Variants in RPGRIP1L observed in about 807,000 individuals in gnomAD.
RPGRIP1L encodes the protein protein fantom.
A neutral mutation model predicts 160.4 loss-of-function variants in RPGRIP1L; 131 were observed. The ratio of observed to expected loss-of-function variants is 0.82; its 90% CI spans 0.71 to 0.94. The LOEUF (loss-of-function observed/expected upper bound fraction) is 0.94, where lower values mean the gene tolerates loss of function less well. RPGRIP1L is among the 40% of genes least tolerant of loss of function. The pLI, the probability that RPGRIP1L is intolerant of heterozygous loss-of-function variation, is 0.00. For synonymous variants in RPGRIP1L, 510 were observed against 515.8 expected (o/e 0.99, Z 0.15); for missense variants, 1,522 against 1,535.8 (o/e 0.99, Z 0.15).
At chr16:53,685,335 C>T (rs148588254) in intron 6 of RPGRIP1L, among the ~76,000 whole-genome samples, 126 of 152,260 alleles carry the variant, frequency 8.3e-4, no homozygotes, top group African/African-American at 2.8e-3. Context: ...TACCATTCGA[C>T]AAGGAAATCC....
At chr16:53,678,398 T>C (rs971770469) in intron 6 of RPGRIP1L, among the ~76,000 whole-genome samples, 2 of 152,184 alleles carry the variant, frequency 1.3e-5, no homozygotes, top group Non-Finnish European at 2.9e-5. Context: ...CTGGGTGCCA[T>C]AATAAATCCA....
At chr16:53,669,006 TC>T (rs1385224142) in intron 9 of RPGRIP1L, among the ~76,000 whole-genome samples, 1 of 152,192 alleles carries the variant, frequency 6.6e-6, no homozygotes. Flanking sequence ...ATCATATTTT[TC>T]TCCTGAAAAC....
At chr16:53,683,420 AGTT>A (rs1448511721) in intron 6 of RPGRIP1L, among the ~76,000 whole-genome samples, 2 of 152,206 alleles carry the variant, frequency 1.3e-5, no homozygotes, top group African/African-American at 4.8e-5. Flanking sequence ...AATATAAACC[AGTT>A]ATTAGACGAT....
chr16:53,683,852 C>T (rs1312120164), intron 6 of RPGRIP1L, among the ~76,000 whole-genome samples: 2 of 151,970 alleles, frequency 1.3e-5, no homozygotes, highest in East Asian at 1.9e-4. Context: ...AATAAAATAT[C>T]GTACATTATA....
At chr16:53,702,383 A>G (rs1036321123) in intron 1 of RPGRIP1L, among the ~76,000 whole-genome samples, 1 of 152,212 alleles carries the variant, frequency 6.6e-6, no homozygotes, top group Non-Finnish European at 1.5e-5. Context: ...AGTGCTTAGG[A>G]GACATAATAA....
chr16:53,662,141 CT>C (rs1967853749), intron 10 of RPGRIP1L, among the ~76,000 whole-genome samples: 2 of 152,212 alleles, frequency 1.3e-5, no homozygotes, highest in African/African-American at 4.8e-5. Flanking sequence ...ACATTTCACT[CT>C]TTTAAAATTA....
intron 10 of RPGRIP1L, among the ~76,000 whole-genome samples, chr16:53,660,347 A>C (rs1294140962): frequency 6.6e-6 from 1 of 152,210 alleles, no homozygotes; most frequent in African/African-American, 2.4e-5. Flanking sequence ...TTCTTAAAAA[A>C]ATGAACACAT....
chr16:53,701,774 C>T (rs762463752), intron 1 of RPGRIP1L: 6 of 151,718 alleles, frequency 4.0e-5, no homozygotes, highest in Non-Finnish European at 8.8e-5. Flanking sequence ...TGAATGGAGT[C>T]CATGGGGTTT....
At position 53,671,565 on chromosome 16, in the gene RPGRIP1L, C is replaced by G. The variant is rs757664687; in HGVS notation, c.1048G>C (p.Asp350His). The G allele has an allele frequency of 2.6e-6, 4 of 1,550,264 alleles. No homozygotes were observed. The highest frequency in any genetic ancestry group is 1.7e-5 in the Admixed American group (1 of 59,656). ...AAAAGTTCCCGTTCCTTTTCTAAAT[C>G]ATTAATTCTATCCTGCAGCTAAAAT... is the stretch of plus-strand genomic sequence containing the variant. ...RIEELQDRIN[D>H]LEKERELLKE... The change falls in exon 9 of 27, where the codon GAT (aspartate) becomes CAT (histidine). Residue 350 changes from aspartate to histidine, a missense_variant. Asp to His is a moderately conservative substitution (Grantham distance 81). Transcript: ENST00000647211.
At chr16:53,622,691 G>A (rs574292791) in intron 22 of RPGRIP1L, among the ~76,000 whole-genome samples, 1 of 152,002 alleles carries the variant, frequency 6.6e-6, no homozygotes, top group Non-Finnish European at 1.5e-5. Context: ...GGGAGGCTGA[G>A]GAGGGGCAGA....
chr16:53,611,210 C>G (rs921410409), intron 24 of RPGRIP1L, among the ~76,000 whole-genome samples, 159 bp from the exon 25 acceptor site: 5 of 152,200 alleles, frequency 3.3e-5, no homozygotes, highest in African/African-American at 1.2e-4. Flanking sequence ...AAACCAGAAT[C>G]AAATCTGAGT....
At chr16:53,607,614 A>C (rs1963768701) in intron 25 of RPGRIP1L, among the ~76,000 whole-genome samples, 1 of 152,224 alleles carries the variant, frequency 6.6e-6, no homozygotes, top group Non-Finnish European at 1.5e-5. Flanking sequence ...TTATCTTCAT[A>C]CAGTGTCTCA....
intron 14 of RPGRIP1L, among the ~76,000 whole-genome samples, chr16:53,655,883 T>C (rs1967214732): frequency 6.6e-6 from 1 of 152,092 alleles, no homozygotes; most frequent in Non-Finnish European, 1.5e-5. Context: ...GTGAGTATTA[T>C]GTTAGGTTTC....
rs2151128760 is a variant in RPGRIP1L at position 53,652,996 on chromosome 16, G to A, written c.1700-9C>T. On this transcript the variant is annotated splice_polypyrimidine_tract_variant and intron_variant, in intron 14 of 26. Coordinates refer to ENST00000647211, the MANE Select transcript of RPGRIP1L (RefSeq NM_015272.5). ...AATATCCTTTAATTGGGCTGCAAGA[G>A]AAGACACACAGTTTAGAGATTTCAA... 1 of 1,603,818 alleles carries A rather than the reference G, an allele frequency of 6.2e-7. No homozygotes were observed. Among genetic ancestry groups the A allele is most frequent in the Non-Finnish European group, 8.5e-7 (1 of 1,172,128 alleles).
In RPGRIP1L at chr16:53,601,219, T is replaced by G. The variant is rs1285025136; in HGVS notation, c.*857A>C. On this transcript the variant is annotated 3_prime_UTR_variant, in exon 27 of 27. Transcript: ENST00000647211. ...GGCTTGATGTAAATTTAAAAAATGATAAAAAGATACTCCTTTCACGTCTAA... is the reference window on the plus strand; with the variant it reads ...GGCTTGATGTAAATTTAAAAAATGAGAAAAAGATACTCCTTTCACGTCTAA... 1 of 152,592 alleles carries G rather than the reference T, an allele frequency of 6.6e-6. No individual in the cohort carries two copies. The highest frequency in any genetic ancestry group is 1.5e-5 in the Non-Finnish European group (1 of 68,028). The allele number at this position is 152,592 out of a possible 1,614,324, so 9.5% of individuals were successfully genotyped here. A position where few individuals can be genotyped will look rare whatever the true frequency, so the allele number is the denominator to read the frequency against.
chr16:53,624,343 G>T lies in RPGRIP1L; in HGVS notation c.3295-1987C>A, dbSNP rs925248158. ...AGAGGCAGGCAGATCATGAGGTCAGGAGATCGAGACCATCCTGGCTAACAC... is the reference window on the plus strand; with the variant it reads ...AGAGGCAGGCAGATCATGAGGTCAGTAGATCGAGACCATCCTGGCTAACAC... On this transcript the variant is annotated intron_variant, in intron 22 of 26. Coordinates refer to ENST00000647211, the MANE Select transcript of RPGRIP1L (RefSeq NM_015272.5). 3.3e-5 allele frequency among the ~76,000 whole-genome samples: 5 copies of T among 152,178 alleles called. No individual in the cohort carries two copies. In the East Asian group the frequency reaches 9.6e-4, roughly 29 times the overall value.
chr16:53,658,156 G>C lies in RPGRIP1L; in HGVS notation c.1401+258C>G, dbSNP rs1201579508. On this transcript the variant is annotated intron_variant, in intron 12 of 26. Transcript: ENST00000647211. ...TAATTAAAGAAAGTGCTTTAAATGA[G>C]AGTTTTTGAGGTCTGGTTTAATGTA... Among the ~76,000 whole-genome samples, 4 of 152,132 alleles carry C rather than the reference G, an allele frequency of 2.6e-5. No individual in the cohort carries two copies. The South Asian group carries it at 6.2e-4, about 24-fold the overall frequency.
At chr16:53,661,026 T>C (rs984723833) in intron 10 of RPGRIP1L, among the ~76,000 whole-genome samples, 1 of 152,002 alleles carries the variant, frequency 6.6e-6, no homozygotes, top group Non-Finnish European at 1.5e-5. Context: ...CCGGGCACGA[T>C]GGCTCACGCC....
chr16:53,697,415 G>T (rs12162015), intron 2 of RPGRIP1L, among the ~76,000 whole-genome samples: 3 of 151,716 alleles, frequency 2.0e-5, no homozygotes, highest in Non-Finnish European at 4.4e-5. Flanking sequence ...ATGCCAAGCC[G>T]AAGCTGGACT....
Sources: gnomAD v4.1 joint callset for allele counts (sites outside exome capture counted in the v4.1 genomes callset) on GRCh38, gnomAD v4.1.1 for gene constraint, MANE v1.5 for transcripts, NCBI Gene and HGNC (gene_info 2026-07-23, HGNC 2026-07-21) for gene names.